Variants in AOPEP observed in about 807,000 individuals in gnomAD.
AOPEP encodes the protein aminopeptidase O (putative).
Under a neutral mutation model 98.1 loss-of-function variants are expected in AOPEP, and 77 were observed. The observed-to-expected ratio is 0.78, with a 90% CI of 0.65 to 0.95. AOPEP has a LOEUF of 0.95. AOPEP is among the 40% of genes least tolerant of loss of function. The pLI is 0.00. For synonymous variants in AOPEP, 346 were observed against 365.3 expected (o/e 0.95, Z 0.60); for missense variants, 1,024 against 1,024.7 (o/e 1.00, Z 0.01).
At chr9:95,073,928 A>C (rs755415162) in intron 14 of AOPEP, among the ~76,000 whole-genome samples, 2 of 152,208 alleles carry the variant, frequency 1.3e-5, no homozygotes, top group Non-Finnish European at 1.5e-5. Context: ...TTGGGAAATA[A>C]CACTTTGATT....
At chr9:94,744,236 C>T (rs1041720315) in intron 1 of AOPEP, among the ~76,000 whole-genome samples, 1 of 151,794 alleles carries the variant, frequency 6.6e-6, no homozygotes, top group African/African-American at 2.4e-5. Context: ...ACTAAAAATA[C>T]AAAAAATTAG....
chr9:95,059,759 G>A (rs1051641099), intron 13 of AOPEP, among the ~76,000 whole-genome samples: 1 of 152,160 alleles, frequency 6.6e-6, no homozygotes, highest in Non-Finnish European at 1.5e-5. Flanking sequence ...CACAGGGATG[G>A]AGAGAAGCTC....
intron 5 of AOPEP, among the ~76,000 whole-genome samples, chr9:94,835,298 C>T (rs2041452632): frequency 6.6e-6 from 1 of 152,138 alleles, no homozygotes; most frequent in Non-Finnish European, 1.5e-5. Context: ...TACTTTGACT[C>T]TGTACTAAGG....
At chr9:95,139,851 T>TAAATATATATATTTATATATATATATAA in the AOPEP span, among the ~76,000 whole-genome samples, 1 of 146,488 alleles carries the variant, frequency 6.8e-6, no homozygotes, top group African/African-American at 2.5e-5. Flanking sequence ...TATATATATA[T>TAAATATATATATTTATATATATATATAA]AAATATATAT....
At chr9:94,929,271 T>A (rs1271204362) in intron 7 of AOPEP, among the ~76,000 whole-genome samples, 1 of 152,236 alleles carries the variant, frequency 6.6e-6, no homozygotes, top group South Asian at 2.1e-4. Context: ...ATCCAGGAAC[T>A]GCTCCTCTCC....
chr9:94,840,353 GAT>G (rs1441822336), intron 5 of AOPEP, among the ~76,000 whole-genome samples: 2 of 152,098 alleles, frequency 1.3e-5, no homozygotes, highest in Non-Finnish European at 2.9e-5. Flanking sequence ...AATCACATTT[GAT>G]TCTGATGTAT....
Position 94,786,537 on chromosome 9 carries a change from A to G in AOPEP, c.965-6228A>G, listed in dbSNP as rs554094228. On this transcript the variant is annotated intron_variant, in intron 3 of 16. Transcript: ENST00000375315. ...CAGTATTTCCACCTTATTCTTTGCA[A>G]TTTTTGTAGGCTGATTGGAAGATAA... 2.6e-5 allele frequency among the ~76,000 whole-genome samples: 4 copies of G among 152,168 alleles called. No homozygotes were observed. In the South Asian group the frequency reaches 8.3e-4, roughly 32 times the overall value.
intron 9 of AOPEP, among the ~76,000 whole-genome samples, chr9:94,962,048 T>C (rs906350388): frequency 3.9e-5 from 6 of 152,240 alleles, no homozygotes; most frequent in East Asian, 1.9e-4. Context: ...GAAGCTCCAC[T>C]GGAGTTGTAT....
At chr9:95,055,515 TTTA>T (rs2066745065) in intron 13 of AOPEP, among the ~76,000 whole-genome samples, 1 of 152,164 alleles carries the variant, frequency 6.6e-6, no homozygotes, top group Non-Finnish European at 1.5e-5. Context: ...GATGACTTAG[TTTA>T]TAAGTTCTGT....
chr9:95,086,623 G>A (rs1453687746), intron 16 of AOPEP, 59 bp from the exon 17 acceptor site: 2 of 988,048 alleles, frequency 2.0e-6, no homozygotes, highest in South Asian at 4.7e-5. Flanking sequence ...AGAGGTGCGC[G>A]CTCACAAGAA....
chr9:95,102,046 A>G, the AOPEP span, among the ~76,000 whole-genome samples: 1 of 152,228 alleles, frequency 6.6e-6, no homozygotes, highest in Non-Finnish European at 1.5e-5. Context: ...GGCTGGCTAC[A>G]CAGTGAGCGG....
the AOPEP span, among the ~76,000 whole-genome samples, chr9:95,106,230 C>T: frequency 2.6e-5 from 4 of 152,192 alleles, no homozygotes; most frequent in Non-Finnish European, 5.9e-5. Flanking sequence ...TGAGCATCTC[C>T]CCACATGCCT....
intron 5 of AOPEP, among the ~76,000 whole-genome samples, chr9:94,922,601 C>T (rs1487778897): frequency 6.6e-6 from 1 of 152,042 alleles, no homozygotes; most frequent in Non-Finnish European, 1.5e-5. Flanking sequence ...GAGTTTAGTT[C>T]CTGTGTCTCT....
chr9:94,993,927 G>A (rs938537389), intron 11 of AOPEP, among the ~76,000 whole-genome samples: 2 of 152,174 alleles, frequency 1.3e-5, no homozygotes, highest in African/African-American at 4.8e-5. Flanking sequence ...CTCCATTCCT[G>A]GGGTCTGTTT....
intron 11 of AOPEP, among the ~76,000 whole-genome samples, chr9:94,987,500 G>A (rs548148126): frequency 1.3e-5 from 2 of 152,168 alleles, no homozygotes; most frequent in South Asian, 2.1e-4. Context: ...CATGATGAAG[G>A]TTCAGCGGGT....
chr9:94,946,910 G>A (rs184280493), intron 7 of AOPEP, among the ~76,000 whole-genome samples: 6,178 of 152,050 alleles, frequency 0.041, 369 homozygotes, highest in African/African-American at 0.12. Flanking sequence ...ATCCAGAAAG[G>A]AAGGACAAGT....
At chr9:95,127,773 C>T in the AOPEP span, among the ~76,000 whole-genome samples, 1 of 152,222 alleles carries the variant, frequency 6.6e-6, no homozygotes, top group South Asian at 2.1e-4. Context: ...GAGGCAGGAC[C>T]GCGCCTCCTC....
At chr9:95,068,857 A>C (rs1307162919) in intron 14 of AOPEP, among the ~76,000 whole-genome samples, 2 of 152,156 alleles carry the variant, frequency 1.3e-5, no homozygotes, top group African/African-American at 2.4e-5. Context: ...TCTTTCATGG[A>C]GTAAAACGTG....
intron 7 of AOPEP, among the ~76,000 whole-genome samples, chr9:94,936,279 T>G (rs1335746373): frequency 6.6e-6 from 1 of 152,192 alleles, no homozygotes; most frequent in Non-Finnish European, 1.5e-5. Context: ...TGCAAGTCCC[T>G]GCACATCACC....
Sources: allele counts gnomAD v4.1 joint callset (sites outside exome capture counted in the v4.1 genomes callset), GRCh38; gene constraint gnomAD v4.1.1; transcripts MANE v1.5; gene names NCBI Gene and HGNC (gene_info 2026-07-23, HGNC 2026-07-21).